Variants in RANBP2 observed in about 807,000 individuals in gnomAD.
RANBP2 encodes RAN binding protein 2, also known as E3 SUMO-protein ligase RanBP2.
In RANBP2, 57 loss-of-function variants were observed where a neutral mutation model predicts 303.6. The ratio of observed to expected loss-of-function variants is 0.19; its 90% CI spans 0.15 to 0.23. The LOEUF (loss-of-function observed/expected upper bound fraction) is 0.23. Among genes scored for constraint, RANBP2 ranks in the 10% least tolerant of loss-of-function variants. The probability of loss-of-function intolerance (pLI) is 1.00; values close to 1 mark genes in which losing one functional copy is unlikely to be tolerated. For missense variants in RANBP2, 3,138 were observed against 3,780.8 expected (o/e 0.83, Z 4.46); for synonymous variants, 1,167 against 1,301.5 (o/e 0.90, Z 2.23).
chr2:109,063,825 G>A, the RANBP2 span, among the ~76,000 whole-genome samples: 3 of 151,972 alleles, frequency 2.0e-5, no homozygotes, highest in East Asian at 3.9e-4. Flanking sequence ...AAAAAACAAC[G>A]TAGTGTCTTC....
the RANBP2 span, among the ~76,000 whole-genome samples, chr2:109,642,621 C>A: frequency 6.7e-6 from 1 of 149,836 alleles, no homozygotes; most frequent in Non-Finnish European, 1.5e-5. Flanking sequence ...TGGTGACGTG[C>A]ACCTGTAGGC....
At chr2:109,377,387 C>G in the RANBP2 span, among the ~76,000 whole-genome samples, 1 of 152,102 alleles carries the variant, frequency 6.6e-6, no homozygotes, top group Admixed American at 6.5e-5. Flanking sequence ...TGTCTGCTAA[C>G]CCAGAAAAAG....
the RANBP2 span, chr2:109,594,710 C>A: frequency 6.6e-6 from 1 of 152,258 alleles, no homozygotes; most frequent in Non-Finnish European, 1.5e-5. Context: ...TGTGCGGGCG[C>A]GTGCACGCAT....
the RANBP2 span, chr2:109,371,559 G>A: frequency 6.2e-7 from 1 of 1,602,474 alleles, no homozygotes; most frequent in Non-Finnish European, 8.5e-7. Flanking sequence ...CCGTATGCTT[G>A]TGTCCACGGT....
chr2:108,880,762 T>G, the RANBP2 span, among the ~76,000 whole-genome samples: 1 of 152,186 alleles, frequency 6.6e-6, no homozygotes, highest in African/African-American at 2.4e-5. Context: ...AAAAAAAGAC[T>G]CCTCTGAAAA....
chr2:109,198,449 A>G, the RANBP2 span, among the ~76,000 whole-genome samples: 1 of 152,234 alleles, frequency 6.6e-6, no homozygotes, highest in African/African-American at 2.4e-5. Context: ...CCTGCCCAGC[A>G]CAGATTGGAG....
the RANBP2 span, among the ~76,000 whole-genome samples, chr2:109,372,329 G>A: frequency 2.6e-5 from 4 of 152,218 alleles, no homozygotes. Context: ...CTGCTAGCCT[G>A]GGGCTGTGTG....
the RANBP2 span, among the ~76,000 whole-genome samples, chr2:108,881,442 A>T: frequency 6.6e-6 from 1 of 152,254 alleles, no homozygotes; most frequent in African/African-American, 2.4e-5. Context: ...ATCAGCAATA[A>T]GGCTGCTGTG....
the RANBP2 span, among the ~76,000 whole-genome samples, chr2:109,012,938 C>T: frequency 1.3e-4 from 20 of 152,064 alleles, no homozygotes; most frequent in African/African-American, 3.6e-4. Context: ...ACAAAAAAAA[C>T]TTCATTCAGA....
At chr2:108,980,504 ATGTG>A in the RANBP2 span, among the ~76,000 whole-genome samples, 16 of 144,600 alleles carry the variant, frequency 1.1e-4, no homozygotes, top group Non-Finnish European at 2.0e-4. Flanking sequence ...ATGTGATATT[ATGTG>A]TGTATGTATA....
the RANBP2 span, chr2:109,618,554 TG>T: frequency 7.8e-5 from 13 of 167,070 alleles, no homozygotes; most frequent in African/African-American, 1.4e-4. Context: ...TTTCATGATG[TG>T]CTTTTGTGCA....
At chr2:109,585,951 T>A in the RANBP2 span, 2 of 689,774 alleles carry the variant, frequency 2.9e-6, no homozygotes, top group Non-Finnish European at 4.9e-6. Flanking sequence ...ATTTTTATAA[T>A]CATTATACCT....
At chr2:108,911,213 A>T in the RANBP2 span, 5 of 1,050,392 alleles carry the variant, frequency 4.8e-6, no homozygotes, top group Admixed American at 6.0e-5. Flanking sequence ...GCTTGCTTAG[A>T]CTGAGAACCA....
chr2:109,656,488 C>A, the RANBP2 span, among the ~76,000 whole-genome samples: 1 of 152,172 alleles, frequency 6.6e-6, no homozygotes, highest in Admixed American at 6.5e-5. Flanking sequence ...CAGGTATGTG[C>A]CACCATGTCC....
the RANBP2 span, among the ~76,000 whole-genome samples, chr2:109,588,493 T>C: frequency 5.4e-4 from 82 of 152,156 alleles, no homozygotes; most frequent in African/African-American, 1.8e-3. Flanking sequence ...TAAAGTGTTA[T>C]ATATACAAAT....
At chr2:109,697,594 C>T in the RANBP2 span, among the ~76,000 whole-genome samples, 1 of 151,424 alleles carries the variant, frequency 6.6e-6, no homozygotes, top group Non-Finnish European at 1.5e-5. Flanking sequence ...TGTATCCTGT[C>T]ATTTTGCAAA....
the RANBP2 span, among the ~76,000 whole-genome samples, chr2:109,700,969 T>C: frequency 1.3e-5 from 2 of 152,298 alleles, no homozygotes; most frequent in Admixed American, 1.3e-4. Context: ...TGACACAAAC[T>C]TTAGAAACTA....
At chr2:108,725,434 G>A (rs1694622680) in intron 1 of RANBP2, among the ~76,000 whole-genome samples, 1 of 152,196 alleles carries the variant, frequency 6.6e-6, no homozygotes, top group African/African-American at 2.4e-5. Flanking sequence ...ATTATGTTTT[G>A]GCATTGTACC....
the RANBP2 span, among the ~76,000 whole-genome samples, chr2:109,653,282 C>T: frequency 6.6e-6 from 1 of 151,924 alleles, no homozygotes; most frequent in Non-Finnish European, 1.5e-5. Context: ...GTAATCCCAA[C>T]TGCTTGGGAG....
Sources: allele counts gnomAD v4.1 joint callset (sites outside exome capture counted in the v4.1 genomes callset), GRCh38; gene constraint gnomAD v4.1.1; transcripts MANE v1.5; gene names NCBI Gene and HGNC (gene_info 2026-07-23, HGNC 2026-07-21).